Variants in YWHAG observed in about 807,000 individuals in gnomAD.
YWHAG encodes the protein 14-3-3 protein gamma.
Under a neutral mutation model 23.3 loss-of-function variants are expected in YWHAG, and 1 was observed. The observed-to-expected ratio is 0.04, with a 90% confidence interval of 0.02 to 0.20. The LOEUF (loss-of-function observed/expected upper bound fraction) is 0.20. YWHAG is among the 10% of genes least tolerant of loss of function. The pLI is 1.00. For synonymous variants in YWHAG, 160 were observed against 144.0 expected, an observed-to-expected ratio of 1.11 and a Z score of -0.80; for missense variants, 151 against 338.6, an observed-to-expected ratio of 0.45 and a Z score of 4.35.
intron 1 of YWHAG, among the ~76,000 whole-genome samples, chr7:76,337,583 G>A (rs903895953): frequency 6.7e-6 from 1 of 149,448 alleles, no homozygotes; most frequent in African/African-American, 2.5e-5. Flanking sequence ...CACCCAGGCT[G>A]GAGTGCAGTG....
chr7:76,332,104 GACA>G (rs2115594597), intron 1 of YWHAG, among the ~76,000 whole-genome samples: 2 of 152,204 alleles, frequency 1.3e-5, no homozygotes, highest in Admixed American at 6.5e-5. Context: ...TTTAATGCTG[GACA>G]ACGTTACTCC....
intron 1 of YWHAG, among the ~76,000 whole-genome samples, chr7:76,342,425 C>T (rs1803711473): frequency 6.6e-6 from 1 of 152,218 alleles, no homozygotes; most frequent in African/African-American, 2.4e-5. Context: ...CCCTATGTTG[C>T]ACACTCCTGT....
intron 1 of YWHAG, among the ~76,000 whole-genome samples, chr7:76,337,035 G>A (rs1289794339): frequency 6.6e-6 from 1 of 152,192 alleles, no homozygotes; most frequent in Non-Finnish European, 1.5e-5. Flanking sequence ...TCGTTCGAAA[G>A]ACAACCTATG....
At chr7:76,356,545 A>C (rs1803963455) in intron 1 of YWHAG, among the ~76,000 whole-genome samples, 1 of 152,160 alleles carries the variant, frequency 6.6e-6, no homozygotes, top group South Asian at 2.1e-4. Flanking sequence ...GTTTTTATTA[A>C]AACCTGCCAA....
intron 1 of YWHAG, among the ~76,000 whole-genome samples, chr7:76,333,759 G>A (rs527494180): frequency 2.6e-5 from 4 of 152,350 alleles, no homozygotes; most frequent in South Asian, 2.1e-4. Context: ...AAACCGCCCC[G>A]CGGTGCAGCC....
At chr7:76,333,297 TCTCA>T (rs779693540) in intron 1 of YWHAG, among the ~76,000 whole-genome samples, 8 of 152,210 alleles carry the variant, frequency 5.3e-5, no homozygotes, top group African/African-American at 1.2e-4. Context: ...AGAGACAAGG[TCTCA>T]CTATGTTGCC....
chr7:76,343,660 G>A (rs1238258387), intron 1 of YWHAG, among the ~76,000 whole-genome samples: 1 of 152,140 alleles, frequency 6.6e-6, no homozygotes, highest in African/African-American at 2.4e-5. Context: ...TCAAGAGATG[G>A]GTTATCTCTC....
chr7:76,346,058 G>T (rs969930640), intron 1 of YWHAG, among the ~76,000 whole-genome samples: 6 of 152,288 alleles, frequency 3.9e-5, no homozygotes, highest in Admixed American at 1.3e-4. Context: ...GTCTACAATT[G>T]TTACCATTTC....
At chr7:76,337,393 C>T (rs1803631428) in intron 1 of YWHAG, among the ~76,000 whole-genome samples, 1 of 152,106 alleles carries the variant, frequency 6.6e-6, no homozygotes, top group Non-Finnish European at 1.5e-5. Flanking sequence ...CTAACAAGAC[C>T]CCTGGTAGAC....
rs750247162 is a variant in YWHAG, at chr7:76,358,848, C to G, written c.-40G>C. ...GTCTGGCCGGAGAAGGAGGAGGACA[C>G]TGGGGCGGCCTGAAGGGCTTGGAGG... On this transcript the variant is annotated 5_prime_UTR_variant, in exon 1 of 2. Transcript: ENST00000307630. The G allele has an allele frequency of 1.0e-5, 16 of 1,563,878 alleles. No homozygotes were observed. The Admixed American group carries it at 2.9e-4, about 28-fold the overall frequency.
chr7:76,339,140 T>C (rs1275768486), intron 1 of YWHAG, among the ~76,000 whole-genome samples: 1 of 152,254 alleles, frequency 6.6e-6, no homozygotes, highest in Non-Finnish European at 1.5e-5. Context: ...ACCACACTTC[T>C]TTGCTTTCTG....
intron 1 of YWHAG, among the ~76,000 whole-genome samples, chr7:76,351,142 T>TC (rs200799013): frequency 0.033 from 4,998 of 152,198 alleles, 119 homozygotes; most frequent in Non-Finnish European, 0.05. Flanking sequence ...TCTTGTCATT[T>TC]CCCCCCGAAA....
chr7:76,342,654 T>C (rs1416721167), intron 1 of YWHAG, among the ~76,000 whole-genome samples: 3 of 152,174 alleles, frequency 2.0e-5, no homozygotes, highest in African/African-American at 7.2e-5. Context: ...TTCCCCTAAA[T>C]GCGCTCCTGC....
chr7:76,356,072 G>C (rs972852777), intron 1 of YWHAG, among the ~76,000 whole-genome samples: 1 of 152,144 alleles, frequency 6.6e-6, no homozygotes. Context: ...TTAGCACTAG[G>C]ATAATTTCAT....
intron 1 of YWHAG, among the ~76,000 whole-genome samples, chr7:76,336,238 AACTT>A (rs1309657646): frequency 6.6e-6 from 1 of 152,092 alleles, no homozygotes; most frequent in Non-Finnish European, 1.5e-5. Flanking sequence ...TGCCTCTATA[AACTT>A]GTCCAACTCC....
chr7:76,332,363 A>G (rs1313176930), intron 1 of YWHAG, among the ~76,000 whole-genome samples: 1 of 152,228 alleles, frequency 6.6e-6, no homozygotes, highest in Non-Finnish European at 1.5e-5. Context: ...GTGTCCACAA[A>G]TAACGGAAGA....
chr7:76,337,341 G>C (rs1251281871), intron 1 of YWHAG, among the ~76,000 whole-genome samples: 1 of 152,128 alleles, frequency 6.6e-6, no homozygotes, highest in Non-Finnish European at 1.5e-5. Context: ...ACATGTGCTA[G>C]GCAGGCAGAG....
intron 1 of YWHAG, among the ~76,000 whole-genome samples, chr7:76,337,831 C>T (rs115622618): frequency 0.03 from 4,610 of 152,176 alleles, 233 homozygotes; most frequent in African/African-American, 0.1. Context: ...CCACTGTGCC[C>T]GACCCCATTT....
At chr7:76,358,423 C>CT (rs1441590999) in intron 1 of YWHAG, among the ~76,000 whole-genome samples, 5 of 152,308 alleles carry the variant, frequency 3.3e-5, no homozygotes, top group Admixed American at 3.3e-4. Context: ...CCCTGCACCC[C>CT]TAGAGCCGCG....
Sources: allele counts gnomAD v4.1 joint callset (sites outside exome capture counted in the v4.1 genomes callset), GRCh38; gene constraint gnomAD v4.1.1; transcripts MANE v1.5; gene names NCBI Gene and HGNC (gene_info 2026-07-23, HGNC 2026-07-21).